Variants in HTR4 observed in about 807,000 individuals in gnomAD.
HTR4 encodes the protein 5-hydroxytryptamine receptor 4, also known as 5-hydroxytryptamine (serotonin) receptor 4, G protein-coupled.
In HTR4, 16 loss-of-function variants were observed where a neutral mutation model predicts 36.8. That is an observed-to-expected ratio of 0.43 (90% confidence interval 0.29 to 0.66). HTR4 has a LOEUF of 0.66. Ranked by LOEUF, HTR4 falls within the 30% of genes least tolerant of loss-of-function variation. The probability of loss-of-function intolerance (pLI) is 0.13; values close to 1 mark genes in which losing one functional copy is unlikely to be tolerated. For synonymous variants in HTR4, 189 were observed against 185.1 expected (o/e 1.02, Z -0.17); for missense variants, 438 against 490.9 (o/e 0.89, Z 1.02).
rs1326662700 is a variant in HTR4, at chr5:148,457,622, ATATAT to A, written c.1077-6355_1077-6351del. On this transcript the variant is annotated intron_variant, in intron 5 of 5. Coordinates refer to the HTR4 transcript ENST00000521530. ...TTTGCTAGATGTTTTAATCATCAAA[ATATAT>A]TATATATTAATATATATTTAATATA... is the stretch of plus-strand genomic sequence containing the variant. Among the ~76,000 whole-genome samples the A allele has an allele frequency of 2.0e-4, 29 of 148,124 alleles. No individual in the cohort carries two copies. In the East Asian group the frequency reaches 4.3e-3, roughly 22 times the overall value.
chr5:148,590,991 G>A (rs542384221), intron 2 of HTR4, among the ~76,000 whole-genome samples: 4 of 152,098 alleles, frequency 2.6e-5, no homozygotes, highest in Non-Finnish European at 5.9e-5. Flanking sequence ...AATCCATATT[G>A]AGTTGATTTT....
intron 2 of HTR4, among the ~76,000 whole-genome samples, chr5:148,626,024 C>T (rs1343801470): frequency 2.6e-5 from 4 of 152,138 alleles, no homozygotes; most frequent in Non-Finnish European, 5.9e-5. Flanking sequence ...AACCCTCAGG[C>T]TTGACTGTCC....
intron 2 of HTR4, among the ~76,000 whole-genome samples, chr5:148,626,899 T>C (rs889193874): frequency 7.9e-5 from 12 of 152,192 alleles, no homozygotes; most frequent in Non-Finnish European, 1.8e-4. Flanking sequence ...GACATTTTTT[T>C]ACCTGAATGT....
chr5:148,588,015 G>T (rs892813060), intron 2 of HTR4, among the ~76,000 whole-genome samples: 2 of 152,116 alleles, frequency 1.3e-5, no homozygotes, highest in East Asian at 3.9e-4. Flanking sequence ...TACTAGATTT[G>T]TAGCTGGATT....
chr5:148,522,120 A>T (rs1229100072), intron 5 of HTR4, among the ~76,000 whole-genome samples: 1 of 152,034 alleles, frequency 6.6e-6, no homozygotes, highest in Non-Finnish European at 1.5e-5. Flanking sequence ...CTTGGCTCCC[A>T]TTCTCTCTTG....
At chr5:148,574,447 T>A (rs1463657480) in intron 2 of HTR4, among the ~76,000 whole-genome samples, 2 of 152,002 alleles carry the variant, frequency 1.3e-5, no homozygotes, top group Non-Finnish European at 2.9e-5. Context: ...AAAATCAACA[T>A]CTGAATGCAG....
chr5:148,481,648 G>A lies in HTR4; in HGVS notation c.*1555C>T, dbSNP rs755494029. Reference sequence around the variant, plus strand: ...TCCAGAACTAAAGTAAACAACAATGGAAACAATAACTGACACCTTATAAGC... The same window carrying A: ...TCCAGAACTAAAGTAAACAACAATGAAAACAATAACTGACACCTTATAAGC... On this transcript the variant is annotated 3_prime_UTR_variant, in exon 7 of 7. Coordinates refer to ENST00000377888, the MANE Select transcript of HTR4 (RefSeq NM_000870.7). 3.3e-6 allele frequency: 5 copies of A among 1,496,956 alleles called. No individual in the cohort carries two copies. The South Asian group carries it at 5.3e-5, about 16-fold the overall frequency. The allele number at this position is 1,496,956 out of a possible 1,614,324, so 92.7% of individuals were successfully genotyped here.
In HTR4 at chr5:148,616,262, T is replaced by C. The variant is rs558897035; in HGVS notation, c.26+20727A>G. 3.3e-5 allele frequency among the ~76,000 whole-genome samples: 5 copies of C among 152,344 alleles called. No individual in the cohort carries two copies. The East Asian group carries it at 7.7e-4, about 24-fold the overall frequency. ...TTTCTGATGGTTTATTTTTCCAAAA[T>C]GTGTTTAGAATTCTCTTTGATGGAA... On this transcript the variant is annotated intron_variant, in intron 2 of 6. Coordinates refer to ENST00000377888, the MANE Select transcript of HTR4 (RefSeq NM_000870.7).
At chr5:148,495,989 A>T (rs1023520864) in intron 6 of HTR4, among the ~76,000 whole-genome samples, 1 of 151,990 alleles carries the variant, frequency 6.6e-6, no homozygotes, top group African/African-American at 2.4e-5. Flanking sequence ...GTAACCAGCT[A>T]CTTGGGAGGC....
At chr5:148,566,130 T>G (rs981691631) in intron 2 of HTR4, among the ~76,000 whole-genome samples, 7 of 152,208 alleles carry the variant, frequency 4.6e-5, no homozygotes, top group African/African-American at 1.7e-4. Context: ...GGGTATTGGT[T>G]ACATAAACAA....
intron 6 of HTR4, among the ~76,000 whole-genome samples, chr5:148,507,058 T>G (rs1320362893): frequency 4.6e-5 from 7 of 152,114 alleles, no homozygotes; most frequent in Non-Finnish European, 8.8e-5. Context: ...CATGCTGCTA[T>G]AAAGACACAT....
At chr5:148,507,944 G>A (rs190216129) in intron 6 of HTR4, among the ~76,000 whole-genome samples, 1 of 152,246 alleles carries the variant, frequency 6.6e-6, no homozygotes, top group Admixed American at 6.5e-5. Flanking sequence ...TGACACTCCT[G>A]AAGGCATAAT....
intron 4 of HTR4, among the ~76,000 whole-genome samples, chr5:148,546,948 T>C (rs1479106944): frequency 6.6e-6 from 1 of 152,198 alleles, no homozygotes; most frequent in Non-Finnish European, 1.5e-5. Flanking sequence ...TTTCCAACTA[T>C]GCCATGCCAT....
intron 2 of HTR4, among the ~76,000 whole-genome samples, chr5:148,619,066 G>T (rs939862967): frequency 3.9e-5 from 6 of 152,100 alleles, no homozygotes; most frequent in Admixed American, 2.6e-4. Context: ...AGTAAGAAAA[G>T]AATTGAGGGA....
intron 5 of HTR4, among the ~76,000 whole-genome samples, chr5:148,455,246 C>T (rs1344154896): frequency 1.3e-5 from 2 of 152,140 alleles, no homozygotes; most frequent in Non-Finnish European, 2.9e-5. Flanking sequence ...GTACCCTTAA[C>T]CTCAGAACAC....
chr5:148,620,698 T>C lies in HTR4; in HGVS notation c.26+16291A>G, dbSNP rs1487359267. Among the ~76,000 whole-genome samples, 6 of 152,244 alleles carry C rather than the reference T, an allele frequency of 3.9e-5. No homozygotes were observed. In the East Asian group the frequency reaches 1.2e-3, roughly 29 times the overall value. ...TATTTTTAACATAGTTGTTACAAAA[T>C]TTAAAATCACATATGTGGCTAGCAT... On this transcript the variant is annotated intron_variant, in intron 2 of 6. Transcript: ENST00000377888.
At chr5:148,520,759 A>G (rs561040463) in intron 5 of HTR4, among the ~76,000 whole-genome samples, 2 of 152,350 alleles carry the variant, frequency 1.3e-5, no homozygotes, top group Admixed American at 6.5e-5. Flanking sequence ...AGTAATAATA[A>G]TGGTTGAAAA....
chr5:148,544,201 C>T lies in HTR4; in HGVS notation c.353+4467G>A, dbSNP rs34221590. ...TACCCCTCAAATAACCACCTGTTAA[C>T]GATTTGGTGAAAATTCATTCATGAT... On this transcript the variant is annotated intron_variant, in intron 4 of 6. Coordinates refer to ENST00000377888, the MANE Select transcript of HTR4 (RefSeq NM_000870.7). Among the ~76,000 whole-genome samples, 708 of 152,206 alleles carry T rather than the reference C, an allele frequency of 4.7e-3. 1 individual carries two copies. Among genetic ancestry groups the T allele is most frequent in the South Asian group, 0.011 (51 of 4,812 alleles).
At position 148,502,845 on chromosome 5, in the gene HTR4, T is replaced by C. The variant is rs181462281; in HGVS notation, c.1076+6611A>G. ...CAAGGCACGAGAACTACGTGACAAA[T>C]GCACAAGCCTCAGTAGCCGATTCGA... is the stretch of plus-strand genomic sequence containing the variant. On this transcript the variant is annotated intron_variant, in intron 6 of 6. Transcript: ENST00000377888. 2.2e-4 allele frequency among the ~76,000 whole-genome samples: 34 copies of C among 152,236 alleles called. No homozygotes were observed. In the East Asian group the frequency reaches 4.8e-3, roughly 22 times the overall value.
Sources: gnomAD v4.1 joint callset for allele counts (sites outside exome capture counted in the v4.1 genomes callset) on GRCh38, gnomAD v4.1.1 for gene constraint, MANE v1.5 for transcripts, NCBI Gene and HGNC (gene_info 2026-07-23, HGNC 2026-07-21) for gene names.